Variants in PCDHA7 observed in about 807,000 individuals in gnomAD.
PCDHA7 encodes protocadherin alpha-7.
A neutral mutation model predicts 57.2 loss-of-function variants in PCDHA7; 37 were observed. That is an observed-to-expected ratio of 0.65 (90% confidence interval 0.50 to 0.85). The LOEUF (loss-of-function observed/expected upper bound fraction) is 0.85, where lower values mean the gene tolerates loss of function less well. PCDHA7 is among the 40% of genes least tolerant of loss of function. The pLI is 0.00. For synonymous variants in PCDHA7, 553 were observed against 558.8 expected (o/e 0.99, Z 0.15); for missense variants, 1,188 against 1,241.8 (o/e 0.96, Z 0.65).
chr5:140,939,613 A>T (rs2092423002), intron 1 of PCDHA7, among the ~76,000 whole-genome samples: 1 of 152,232 alleles, frequency 6.6e-6, no homozygotes, highest in African/African-American at 2.4e-5. Context: ...CAGAACAAGG[A>T]GACAAAAGAA....
rs2058926605 is a variant in PCDHA7, at chr5:140,882,051, AC to A, written c.2355+45314del. The A allele has an allele frequency of 7.9e-6, 6 of 757,556 alleles. No homozygotes were observed. The Admixed American group carries it at 1.6e-4, about 20-fold the overall frequency. 46.9% of individuals were successfully genotyped at this position (757,556 alleles called of 1,614,324 possible). A position where few individuals can be genotyped will look rare whatever the true frequency, so the allele number is the denominator to read the frequency against. ...AAAATATGAAGACTGAGTCATACTT[AC>A]ACTTACACGTTCATGCGCATGGTGT... On this transcript the variant is annotated intron_variant, in intron 1 of 3. Coordinates refer to ENST00000525929, the MANE Select transcript of PCDHA7 (RefSeq NM_018910.3).
At chr5:140,856,686 C>T (rs782337552) in intron 1 of PCDHA7, 1 of 1,597,202 alleles carries the variant, frequency 6.3e-7, no homozygotes, top group Non-Finnish European at 8.6e-7. Context: ...TTGTTGACAG[C>T]AACTGATGGA....
At chr5:140,921,080 A>G (rs1329038497) in intron 1 of PCDHA7, among the ~76,000 whole-genome samples, 1 of 152,008 alleles carries the variant, frequency 6.6e-6, no homozygotes. Context: ...CTTGGGCTCA[A>G]GAGAATCCTC....
intron 1 of PCDHA7, among the ~76,000 whole-genome samples, chr5:140,881,102 T>C (rs1470850677): frequency 1.3e-5 from 2 of 152,230 alleles, no homozygotes; most frequent in African/African-American, 4.8e-5. Flanking sequence ...ATTACACCAT[T>C]TGGCCTGGGA....
intron 3 of PCDHA7, among the ~76,000 whole-genome samples, chr5:141,004,580 A>G (rs782539696): frequency 5.3e-5 from 8 of 152,222 alleles, no homozygotes; most frequent in Non-Finnish European, 1.2e-4. Context: ...TGTGTTCTGC[A>G]TCTCCAGATG....
rs139607260 is a variant in PCDHA7, at chr5:140,954,243, A to C, written c.2356-24706A>C. ...TATTGTGAATAGTGCTGCAATGAAC[A>C]TACACATGCAGGTATCTTTATAATA... On this transcript the variant is annotated intron_variant, in intron 1 of 3. Transcript: ENST00000525929. Among the ~76,000 whole-genome samples the C allele has an allele frequency of 3.2e-4, 49 of 152,350 alleles. No individual in the cohort carries two copies. In the East Asian group the frequency reaches 9.1e-3, roughly 28 times the overall value.
chr5:141,001,706 C>T (rs2098033561), intron 3 of PCDHA7, among the ~76,000 whole-genome samples: 1 of 151,850 alleles, frequency 6.6e-6, no homozygotes, highest in African/African-American at 2.4e-5. Flanking sequence ...AAATAGGGGG[C>T]GGGGAAGGAG....
chr5:140,937,795 C>T (rs1472022589), intron 1 of PCDHA7, among the ~76,000 whole-genome samples: 1 of 151,670 alleles, frequency 6.6e-6, no homozygotes, highest in Non-Finnish European at 1.5e-5. Context: ...GTATGTAGTC[C>T]CAGCTACTCG....
chr5:140,837,669 T>C (rs1554136589), intron 1 of PCDHA7, among the ~76,000 whole-genome samples: 1 of 151,640 alleles, frequency 6.6e-6, no homozygotes, highest in African/African-American at 2.4e-5. Context: ...CTTTCATTCT[T>C]TTTCTTTTTT....
chr5:140,998,059 C>T (rs1471709750), intron 3 of PCDHA7, among the ~76,000 whole-genome samples: 1 of 152,154 alleles, frequency 6.6e-6, no homozygotes, highest in East Asian at 1.9e-4. Context: ...ACATCATCAT[C>T]AACAGACTTA....
intron 1 of PCDHA7, chr5:140,862,879 G>T: frequency 1.8e-6 from 1 of 567,506 alleles, no homozygotes. Context: ...AGGTATTAGT[G>T]CTGGAACGAC....
intron 1 of PCDHA7, among the ~76,000 whole-genome samples, chr5:140,974,906 T>G (rs1197306976): frequency 6.6e-6 from 1 of 152,182 alleles, no homozygotes; most frequent in Non-Finnish European, 1.5e-5. Flanking sequence ...TTGTAACAAA[T>G]TACCACAAGT....
rs35252606 is a variant in PCDHA7, at chr5:140,912,343, ATT to A, written c.2356-66592_2356-66591del. The stretch of plus-strand genomic sequence containing the variant: ...CTCAGTATTAACCAGTACACTAAGT[ATT>A]TTTTTTTTTTTTTGCAGCTGTTGTA... On this transcript the variant is annotated intron_variant, in intron 1 of 3. Transcript: ENST00000525929. 3.7e-3 allele frequency among the ~76,000 whole-genome samples: 528 copies of A among 143,760 alleles called. 4 individuals are homozygous for A. The highest frequency in any genetic ancestry group is 8.3e-3 in the East Asian group (41 of 4,940). 94.3% of individuals were successfully genotyped at this position (143,760 alleles called of 152,430 possible).
At chr5:140,990,627 A>G (rs782672988) in intron 3 of PCDHA7, among the ~76,000 whole-genome samples, 16 of 152,198 alleles carry the variant, frequency 1.1e-4, no homozygotes, top group Non-Finnish European at 1.5e-4. Flanking sequence ...GTCTGTGGTA[A>G]GACTAGAAGC....
intron 1 of PCDHA7, chr5:140,849,880 T>G (rs2150456156): frequency 3.1e-6 from 5 of 1,598,328 alleles, no homozygotes; most frequent in Non-Finnish European, 4.3e-6. Context: ...GAGTACACGG[T>G]GTTCGTGAAG....
At chr5:140,955,669 G>C (rs1031483633) in intron 1 of PCDHA7, among the ~76,000 whole-genome samples, 2 of 152,094 alleles carry the variant, frequency 1.3e-5, no homozygotes, top group African/African-American at 4.8e-5. Flanking sequence ...TTTTAACATA[G>C]TTTTTTCGAA....
chr5:140,834,417 C>T lies in PCDHA7; in HGVS notation c.34C>T (p.Arg12Ter). The T allele has an allele frequency of 6.2e-7, 1 of 1,611,544 alleles. No individual in the cohort carries two copies. The highest frequency in any genetic ancestry group is 8.5e-7 in the Non-Finnish European group (1 of 1,178,384). Residue 12 changes from arginine to a stop codon, truncating the protein, a stop_gained, in exon 1 of 4, where the codon CGA (arginine) becomes TGA (stop). Transcript: ENST00000525929. LOFTEE classifies it high-confidence loss of function. Reference sequence around the variant, plus strand: ...CCCGAATGGATACGACCCAGGGGGCCGACATCTACTGCTGTTTATTATAAT... The same window carrying T: ...CCCGAATGGATACGACCCAGGGGGCTGACATCTACTGCTGTTTATTATAAT... ...VCPNGYDPGG[R>*]HLLLFIIILA...
chr5:140,953,443 A>G (rs1434216967), intron 1 of PCDHA7, among the ~76,000 whole-genome samples: 1 of 152,078 alleles, frequency 6.6e-6, no homozygotes, highest in Non-Finnish European at 1.5e-5. Flanking sequence ...TGGAGAAACT[A>G]GGGATTATCT....
intron 1 of PCDHA7, among the ~76,000 whole-genome samples, chr5:140,950,973 T>C (rs1381300164): frequency 3.3e-5 from 5 of 152,244 alleles, no homozygotes; most frequent in Middle Eastern, 3.4e-3. Flanking sequence ...TTCAGATTCA[T>C]TGACTTTTGC....
Sources: gnomAD v4.1 joint callset for allele counts (sites outside exome capture counted in the v4.1 genomes callset) on GRCh38, gnomAD v4.1.1 for gene constraint, MANE v1.5 for transcripts, NCBI Gene and HGNC (gene_info 2026-07-23, HGNC 2026-07-21) for gene names.